Variants in DGKH observed in about 807,000 individuals in gnomAD.
DGKH encodes DAG kinase eta.
DGKH carries 90 observed loss-of-function variants against 159.3 expected under a neutral mutation model. That is an observed-to-expected ratio of 0.57 (90% confidence interval 0.48 to 0.67). The LOEUF (loss-of-function observed/expected upper bound fraction) is 0.67. Ranked by LOEUF, DGKH falls within the 30% of genes least tolerant of loss-of-function variation. DGKH has a pLI of 0.00. For synonymous variants in DGKH, 536 were observed against 553.8 expected, an observed-to-expected ratio of 0.97 and a Z score of 0.45; for missense variants, 1,181 against 1,506.1, an observed-to-expected ratio of 0.78 and a Z score of 3.57.
In DGKH at chr13:42,252,211, A is replaced by G. The variant is rs116404172; in HGVS notation, n.4055-198A>G. On this transcript the variant is annotated intron_variant and non_coding_transcript_variant, in intron 29 of 30. Coordinates refer to the DGKH transcript ENST00000498255. ...TGAATGTATGGTAGAATTATCTGTA[A>G]AACTGTCCAGTAATAGTGGCAATCT... Among the ~76,000 whole-genome samples the G allele has an allele frequency of 8.1e-3, 1,227 of 152,172 alleles. 18 individuals carry two copies. The highest frequency in any genetic ancestry group is 0.028 in the African/African-American group (1,148 of 41,490).
At chr13:42,098,119 T>A (rs891138039) in intron 1 of DGKH, among the ~76,000 whole-genome samples, 3 of 152,218 alleles carry the variant, frequency 2.0e-5, no homozygotes, top group African/African-American at 4.8e-5. Flanking sequence ...AAGCCTACAC[T>A]CATTAAGGTG....
At chr13:42,085,464 T>C (rs899558367) in intron 1 of DGKH, among the ~76,000 whole-genome samples, 1 of 152,164 alleles carries the variant, frequency 6.6e-6, no homozygotes, top group African/African-American at 2.4e-5. Context: ...TTTGTGGCAA[T>C]AGGTAATTTG....
At chr13:42,162,972 A>G (rs944466027) in intron 7 of DGKH, among the ~76,000 whole-genome samples, 9 of 150,968 alleles carry the variant, frequency 6.0e-5, no homozygotes, top group African/African-American at 2.2e-4. Context: ...TTAACTCATC[A>G]TTTAGCATTA....
intron 1 of DGKH, among the ~76,000 whole-genome samples, chr13:42,108,989 AT>A (rs989934252): frequency 3.9e-5 from 6 of 152,246 alleles, no homozygotes; most frequent in African/African-American, 1.4e-4. Context: ...AAAATAAGAT[AT>A]GCCAACGGGA....
intron 11 of DGKH, among the ~76,000 whole-genome samples, chr13:42,169,215 G>A (rs9634658): frequency 0.037 from 5,698 of 152,134 alleles, 213 homozygotes; most frequent in East Asian, 0.14. Context: ...AAGCTAAAGA[G>A]GACATATAAA....
intron 29 of DGKH, among the ~76,000 whole-genome samples, chr13:42,222,908 CAT>C (rs1274260850): frequency 7.9e-5 from 12 of 152,068 alleles, no homozygotes; most frequent in Admixed American, 2.6e-4. Flanking sequence ...AATGGAAAAA[CAT>C]ACACTAAGGC....
intron 1 of DGKH, among the ~76,000 whole-genome samples, chr13:42,084,946 A>C (rs916399350): frequency 6.6e-6 from 1 of 152,104 alleles, no homozygotes; most frequent in African/African-American, 2.4e-5. Context: ...TTAATCCTAT[A>C]AATAGATATG....
At chr13:42,043,076 G>A (rs1172757266) in intron 1 of DGKH, among the ~76,000 whole-genome samples, 2 of 152,158 alleles carry the variant, frequency 1.3e-5, no homozygotes, top group Non-Finnish European at 2.9e-5. Flanking sequence ...GGGGATTTGT[G>A]ACCTTTTTTG....
intron 3 of DGKH, chr13:42,140,754 G>C (rs969369630): frequency 6.6e-6 from 1 of 151,968 alleles, no homozygotes; most frequent in Non-Finnish European, 1.5e-5. Flanking sequence ...CTTTAGTCCT[G>C]TACTCATTTA....
chr13:42,055,166 G>A (rs1044989940), intron 1 of DGKH, among the ~76,000 whole-genome samples: 1 of 152,198 alleles, frequency 6.6e-6, no homozygotes, highest in African/African-American at 2.4e-5. Context: ...TGGCACCTAT[G>A]TTAGAAAATG....
At chr13:42,067,352 C>T (rs1045748514) in intron 1 of DGKH, among the ~76,000 whole-genome samples, 3 of 151,774 alleles carry the variant, frequency 2.0e-5, no homozygotes, top group African/African-American at 7.3e-5. Flanking sequence ...AATAGTATAC[C>T]CAAAAATCTC....
intron 24 of DGKH, among the ~76,000 whole-genome samples, 169 bp downstream of exon 24, chr13:42,210,934 C>T (rs1401059518): frequency 1.3e-5 from 2 of 152,154 alleles, no homozygotes; most frequent in Admixed American, 1.3e-4. Flanking sequence ...TTATATACAT[C>T]TTTACACTAT....
At chr13:42,143,298 G>T (rs1302705482) in intron 3 of DGKH, among the ~76,000 whole-genome samples, 1 of 152,144 alleles carries the variant, frequency 6.6e-6, no homozygotes, top group Admixed American at 6.5e-5. Flanking sequence ...GATTCGGTTT[G>T]CCAGTATTTT....
upstream of DGKH, among the ~76,000 whole-genome samples, chr13:42,044,537 C>T (rs1380614418): frequency 1.3e-5 from 2 of 152,180 alleles, no homozygotes; most frequent in African/African-American, 4.8e-5. Context: ...GATCCGTTCG[C>T]CTTGGCCTCC....
chr13:42,099,660 A>G (rs151336985), intron 1 of DGKH, among the ~76,000 whole-genome samples: 190 of 152,368 alleles, frequency 1.2e-3, no homozygotes, highest in African/African-American at 4.2e-3. Flanking sequence ...TTGTGTGCCA[A>G]CTACGAGCTA....
intron 11 of DGKH, among the ~76,000 whole-genome samples, chr13:42,173,590 A>G (rs1283786072): frequency 1.3e-5 from 2 of 152,202 alleles, no homozygotes; most frequent in African/African-American, 4.8e-5. Flanking sequence ...GTAACAGTTT[A>G]TAGGTAGTAT....
intron 1 of DGKH, among the ~76,000 whole-genome samples, chr13:42,117,466 T>C (rs1360878565): frequency 6.6e-6 from 1 of 152,222 alleles, no homozygotes; most frequent in African/African-American, 2.4e-5. Context: ...AAACAGAAGT[T>C]TATTTTGAGG....
chr13:42,167,089 A>G (rs1956332377), intron 9 of DGKH, among the ~76,000 whole-genome samples: 1 of 152,176 alleles, frequency 6.6e-6, no homozygotes, highest in African/African-American at 2.4e-5. Context: ...CAGTTCTTCA[A>G]GGATCTCAGA....
chr13:42,241,965 T>C lies in DGKH; in HGVS notation c.*12777T>C, dbSNP rs538316687. The stretch of plus-strand genomic sequence containing the variant: ...GAAAAAAACCCGACTTGTATGTGTA[T>C]TCACAGTTTGATAGGCATATTTTGA... On this transcript the variant is annotated 3_prime_UTR_variant, in exon 30 of 30. Transcript: ENST00000337343. The C allele has an allele frequency of 1.1e-4, 16 of 152,366 alleles. No homozygotes were observed. Among genetic ancestry groups the C allele is most frequent in the African/African-American group, 3.4e-4 (14 of 41,584 alleles). The allele number at this position is 152,366 out of a possible 1,614,324, so 9.4% of individuals were successfully genotyped here.
Sources: allele counts gnomAD v4.1 joint callset (sites outside exome capture counted in the v4.1 genomes callset), GRCh38; gene constraint gnomAD v4.1.1; transcripts MANE v1.5; gene names NCBI Gene and HGNC (gene_info 2026-07-23, HGNC 2026-07-21).